The following REEP5 variants were observed in gnomAD, a reference collection of about 807,000 sequenced individuals.
The protein encoded by REEP5 is receptor expression-enhancing protein 5.
In REEP5, 24 loss-of-function variants were observed where a neutral mutation model predicts 22.4. The observed-to-expected ratio is 1.07, with a 90% confidence interval of 0.78 to 1.51. REEP5 has a LOEUF of 1.51. REEP5 is among the 40% of genes most tolerant of loss of function. REEP5 has a pLI of 0.00. For synonymous variants in REEP5, 103 were observed against 88.6 expected (o/e 1.16, Z -0.92); for missense variants, 252 against 233.0 (o/e 1.08, Z -0.53).
intron 2 of REEP5, among the ~76,000 whole-genome samples, chr5:112,907,023 C>T (rs1002204659): frequency 6.6e-6 from 1 of 152,180 alleles, no homozygotes; most frequent in Non-Finnish European, 1.5e-5. Context: ...ATCTAGAACC[C>T]TCACCTGAAT....
chr5:112,891,882 G>A (rs1279908129), intron 3 of REEP5: 1 of 1,401,248 alleles, frequency 7.1e-7, no homozygotes. Context: ...AGGAGTGGTT[G>A]CTGAGGGAGC....
rs1448746080 is a variant in REEP5 at position 112,887,024 on chromosome 5, T to G, written c.511A>C (p.Thr171Pro). 4.4e-6 allele frequency: 7 copies of G among 1,603,020 alleles called. No individual in the cohort carries two copies. The highest frequency in any genetic ancestry group is 5.1e-6 in the Non-Finnish European group (6 of 1,171,354). ...TGTTCCTGAGTCTTACCTTCTTTAG[T>G]GATGGCATCTGCAGTCTCTTTGGCC... is the stretch of plus-strand genomic sequence containing the variant. ...DKAKETADAI[T>P]KEAKKATVNL... is the part of the protein sequence containing the mutation. Residue 171 changes from threonine (T) to proline (P), a missense_variant, in exon 4 of 5, where the codon ACT (threonine) becomes CCT (proline). Physicochemically the swap from Thr to Pro is conservative, Grantham distance 38. Coordinates refer to ENST00000379638, the MANE Select transcript of REEP5 (RefSeq NM_005669.5).
At chr5:112,893,522 C>CGAGA in intron 3 of REEP5, 3 of 155,492 alleles carry the variant, frequency 1.9e-5, no homozygotes, top group South Asian at 2.0e-4. Flanking sequence ...TAAGCCAGGC[C>CGAGA]TCTCTTCACC....
intron 2 of REEP5, among the ~76,000 whole-genome samples, chr5:112,914,562 C>T (rs368576640): frequency 6.6e-6 from 1 of 152,156 alleles, no homozygotes; most frequent in African/African-American, 2.4e-5. Flanking sequence ...AATAAAAGAG[C>T]AGATGCAAAT....
Position 112,887,163 on chromosome 5 carries a change from GCAC to G in REEP5, c.369_371del (p.Trp123del). Reference sequence around the variant, plus strand: ...CCCCATTAGAAGGGCTCGGGGCCATGCACCACAACAGGAAGCCACACTGCACAG... The same window carrying G: ...CCCCATTAGAAGGGCTCGGGGCCATGCACAACAGGAAGCCACACTGCACAG... On this transcript the variant is annotated inframe_deletion, in exon 4 of 5. Transcript: ENST00000379638. 3 of 1,605,254 alleles carry G rather than the reference GCAC, an allele frequency of 1.9e-6. No homozygotes were observed. Among genetic ancestry groups the G allele is most frequent in the Non-Finnish European group, 2.6e-6 (3 of 1,174,586 alleles).
chr5:112,887,479 C>G (rs930213931), intron 3 of REEP5, among the ~76,000 whole-genome samples: 6 of 152,064 alleles, frequency 3.9e-5, no homozygotes, highest in Non-Finnish European at 8.8e-5. Flanking sequence ...CTGTAAGAGG[C>G]TTTTATTAAT....
chr5:112,913,230 G>A (rs568216421), intron 2 of REEP5, among the ~76,000 whole-genome samples: 1 of 152,080 alleles, frequency 6.6e-6, no homozygotes, highest in Non-Finnish European at 1.5e-5. Context: ...GGGAGGTGGA[G>A]GCTGCAGTGA....
intron 2 of REEP5, among the ~76,000 whole-genome samples, chr5:112,908,094 G>GTTTTT (rs1168506605): frequency 9.6e-5 from 7 of 72,608 alleles, no homozygotes; most frequent in African/African-American, 4.3e-4. Flanking sequence ...GACTTTCTTT[G>GTTTTT]TTTTTTGTTT....
At chr5:112,921,673 G>C (rs1394482630) in intron 1 of REEP5, 1 of 232,576 alleles carries the variant, frequency 4.3e-6, no homozygotes, top group Non-Finnish European at 8.4e-6. Flanking sequence ...CCCGAGAGGC[G>C]CCCTCTCCGG....
chr5:112,881,151 AG>A (rs1468894599), intron 4 of REEP5, among the ~76,000 whole-genome samples: 3 of 150,672 alleles, frequency 2.0e-5, no homozygotes, highest in African/African-American at 7.3e-5. Context: ...AAAAAAAAAA[AG>A]CTGGCAATCC....
intron 2 of REEP5, among the ~76,000 whole-genome samples, chr5:112,908,648 C>T (rs988340541): frequency 8.5e-5 from 13 of 152,074 alleles, no homozygotes; most frequent in African/African-American, 3.1e-4. Flanking sequence ...GCCTCAACCT[C>T]CCAAGTAGCT....
At chr5:112,885,337 CA>C (rs1768210335) in intron 4 of REEP5, 3 of 177,598 alleles carry the variant, frequency 1.7e-5, no homozygotes, top group Non-Finnish European at 2.4e-5. Flanking sequence ...AGAACAGAAC[CA>C]AAAACTTTTG....
chr5:112,877,265 T>A lies in REEP5; in HGVS notation c.*1521A>T, dbSNP rs1767926112. 6.6e-6 allele frequency: 1 copy of A among 152,216 alleles called. No homozygotes were observed. The highest frequency in any genetic ancestry group is 1.5e-5 in the Non-Finnish European group (1 of 68,024). The allele number at this position is 152,216 out of a possible 1,614,324, so 9.4% of individuals were successfully genotyped here. Reference sequence around the variant, plus strand: ...TACATCATGAGACATTGTTATGATCTTACCTGATTGTTATCTCAAGGTGAG... The same window carrying A: ...TACATCATGAGACATTGTTATGATCATACCTGATTGTTATCTCAAGGTGAG... On this transcript the variant is annotated 3_prime_UTR_variant, in exon 5 of 5. Coordinates refer to ENST00000379638, the MANE Select transcript of REEP5 (RefSeq NM_005669.5).
chr5:112,921,899 G>A, intron 1 of REEP5, 174 bp downstream of exon 1: 1 of 765,184 alleles, frequency 1.3e-6, no homozygotes, highest in South Asian at 2.2e-5. Flanking sequence ...GCCCCCGCGG[G>A]GTCCTCCGAT....
intron 3 of REEP5, chr5:112,895,308 G>A (rs1416497149): frequency 6.7e-6 from 1 of 148,854 alleles, no homozygotes; most frequent in Non-Finnish European, 1.5e-5. Flanking sequence ...CAACCTAAGA[G>A]ACAGTTTTCT....
chr5:112,892,183 A>G (rs1426542558), intron 3 of REEP5: 5 of 1,614,238 alleles, frequency 3.1e-6, no homozygotes, highest in South Asian at 1.1e-5. Context: ...CTTCTACAGT[A>G]AAACAGGAGC....
intron 2 of REEP5, among the ~76,000 whole-genome samples, chr5:112,915,881 A>T (rs35043294): frequency 2.1e-3 from 108 of 52,448 alleles, no homozygotes; most frequent in Non-Finnish European, 3.1e-3. Flanking sequence ...ATTACAATTT[A>T]AAAAAAAAAA....
chr5:112,921,609 A>T (rs998020434), intron 1 of REEP5: 1 of 321,240 alleles, frequency 3.1e-6, no homozygotes, highest in Non-Finnish European at 5.9e-6. Context: ...CTCAGCGGGG[A>T]GCGTCCCGAG....
chr5:112,891,620 G>C (rs759904646), intron 3 of REEP5: 17 of 1,583,220 alleles, frequency 1.1e-5, no homozygotes, highest in Admixed American at 1.8e-5. Context: ...ATGTCTGAGG[G>C]GTCAGGCGGT....
Sources: allele counts gnomAD v4.1 joint callset (sites outside exome capture counted in the v4.1 genomes callset), GRCh38; gene constraint gnomAD v4.1.1; transcripts MANE v1.5; gene names NCBI Gene and HGNC (gene_info 2026-07-23, HGNC 2026-07-21).